The following SH3BP5 variants were observed in gnomAD, a reference collection of about 807,000 sequenced individuals.
SH3BP5 encodes SH3 domain binding protein 5, also known as SH3 domain-binding protein 5.
A neutral mutation model predicts 43.3 loss-of-function variants in SH3BP5; 22 were observed. The ratio of observed to expected loss-of-function variants is 0.51; its 90% CI spans 0.36 to 0.73. The LOEUF (loss-of-function observed/expected upper bound fraction) is 0.73. Among genes scored for constraint, SH3BP5 ranks in the 30% least tolerant of loss-of-function variants. SH3BP5 has a pLI of 0.00. For synonymous variants in SH3BP5, 255 were observed against 225.8 expected, an observed-to-expected ratio of 1.13 and a Z score of -1.16; for missense variants, 529 against 586.9, an observed-to-expected ratio of 0.90 and a Z score of 1.02.
chr3:15,335,098 A>G (rs1698685374), upstream of SH3BP5, among the ~76,000 whole-genome samples: 1 of 152,154 alleles, frequency 6.6e-6, no homozygotes, highest in Non-Finnish European at 1.5e-5. Context: ...ACAACAAAGC[A>G]AGACCTGGTC....
rs562101639 is a variant in SH3BP5 at position 15,316,501 on chromosome 3, G to A, written c.202-12270C>T. 1.0e-3 allele frequency among the ~76,000 whole-genome samples: 159 copies of A among 152,180 alleles called. 1 individual carries two copies. The highest frequency in any genetic ancestry group is 3.6e-3 in the African/African-American group (151 of 41,544). On this transcript the variant is annotated intron_variant, in intron 2 of 8. Transcript: ENST00000383791. The stretch of plus-strand genomic sequence containing the variant: ...GCCTCCCAAAGTGCTGGGATTACAG[G>A]TGTGAACCACATACCCAGCCAAGAC...
At chr3:15,310,511 T>A (rs1209193480) in intron 2 of SH3BP5, among the ~76,000 whole-genome samples, 2 of 152,080 alleles carry the variant, frequency 1.3e-5, no homozygotes, top group African/African-American at 4.8e-5. Context: ...AGAGTGGGGG[T>A]GGCTTCAGGA....
At chr3:15,262,314 C>A in intron 4 of SH3BP5, 25 bp from the exon 5 acceptor site, 1 of 1,596,934 alleles carries the variant, frequency 6.3e-7, no homozygotes, top group Non-Finnish European at 8.6e-7. Context: ...AGAGTTCAGC[C>A]CAGTCCAGCC....
intron 3 of SH3BP5, among the ~76,000 whole-genome samples, chr3:15,273,858 T>G (rs746472484): frequency 2.0e-5 from 3 of 152,166 alleles, no homozygotes; most frequent in Non-Finnish European, 2.9e-5. Flanking sequence ...CCCACCCAAA[T>G]TTACATATTG....
upstream of SH3BP5, chr3:15,333,019 T>G: frequency 1.2e-6 from 1 of 857,376 alleles, no homozygotes; most frequent in Non-Finnish European, 1.4e-6. Flanking sequence ...CGTGCACTGA[T>G]GCATTGCCGA....
In SH3BP5 at chr3:15,262,168, T is replaced by C. The variant is rs374197627; in HGVS notation, c.617A>G (p.Asn206Ser). The change falls in exon 5 of 9, where the codon AAC becomes AGC. Residue 206 changes from asparagine (N) to serine (S), a missense_variant. By Grantham distance (46) the Asn-to-Ser change is conservative. Coordinates refer to ENST00000383791, the MANE Select transcript of SH3BP5 (RefSeq NM_004844.5). ...CCCTGTCCAGACTTACTTGGACTTG[T>C]TGATGGCTCTCTTGAGTTTCTTCTC... ...QLEKKLKRAI[N>S]KSKPYFELKA... The C allele has an allele frequency of 2.0e-5, 32 of 1,614,028 alleles. No individual in the cohort carries two copies. In the African/African-American group the frequency reaches 4.1e-4, roughly 21 times the overall value.
In SH3BP5 at chr3:15,256,167, G is replaced by T; in HGVS notation, c.1287C>A (p.Asn429Lys). 6.2e-7 allele frequency: 1 copy of T among 1,614,192 alleles called. No homozygotes were observed. Among genetic ancestry groups the T allele is most frequent in the Non-Finnish European group, 8.5e-7 (1 of 1,180,018 alleles). The change falls in exon 9 of 9, where the codon AAC (asparagine) becomes AAA (lysine). Residue 429 changes from asparagine to lysine, a missense_variant. Around this residue, in one of 3 missense-constraint regions of SH3BP5, gnomAD observed 369 missense variants for 384.3 expected, o/e 0.96. Transcript: ENST00000383791. The part of the protein sequence containing the change: ...STSPEGQALE[N>K]RMKQLSLQCS... Reference sequence around the variant, plus strand: ...ACTGTAGGGAGAGCTGCTTCATCCGGTTCTCCAAGGCCTGGCCCTCAGGGG... The same window carrying T: ...ACTGTAGGGAGAGCTGCTTCATCCGTTTCTCCAAGGCCTGGCCCTCAGGGG...
chr3:15,274,771 C>A (rs1213465856), intron 3 of SH3BP5, among the ~76,000 whole-genome samples: 1 of 152,220 alleles, frequency 6.6e-6, no homozygotes, highest in Non-Finnish European at 1.5e-5. Context: ...GTCTCAAACT[C>A]CTGACCTCAG....
intron 2 of SH3BP5, among the ~76,000 whole-genome samples, chr3:15,325,424 C>A (rs559751395): frequency 6.6e-6 from 1 of 151,836 alleles, no homozygotes; most frequent in Non-Finnish European, 1.5e-5. Flanking sequence ...ATGCGCCCTC[C>A]AGCTGGAATG....
At chr3:15,286,174 T>C (rs958878119) in intron 3 of SH3BP5, among the ~76,000 whole-genome samples, 1 of 152,180 alleles carries the variant, frequency 6.6e-6, no homozygotes, top group Non-Finnish European at 1.5e-5. Context: ...GTGGCCCCTC[T>C]GGCTGCCGGA....
chr3:15,308,471 C>T (rs963417931), intron 2 of SH3BP5, among the ~76,000 whole-genome samples: 2 of 152,186 alleles, frequency 1.3e-5, no homozygotes, highest in Non-Finnish European at 2.9e-5. Flanking sequence ...ACTACTTACA[C>T]ACGTTGAGCA....
intron 5 of SH3BP5, 67 bp downstream of exon 5, chr3:15,262,092 C>G: frequency 6.3e-7 from 1 of 1,589,614 alleles, no homozygotes; most frequent in Non-Finnish European, 8.6e-7. Context: ...GTGTGACATA[C>G]AAAAGGCTGA....
At chr3:15,331,459 G>A (rs1698607433) in intron 1 of SH3BP5, among the ~76,000 whole-genome samples, 1 of 152,088 alleles carries the variant, frequency 6.6e-6, no homozygotes, top group South Asian at 2.1e-4. Context: ...GAAAAAAAAC[G>A]GGCCTTAGAA....
At chr3:15,336,667 C>T (rs1390373377), upstream of SH3BP5, among the ~76,000 whole-genome samples, 1 of 152,102 alleles carries the variant, frequency 6.6e-6, no homozygotes, top group African/African-American at 2.4e-5. Context: ...ATTATAATCG[C>T]CAGGTTGCGC....
chr3:15,264,453 CCTT>C (rs1299170582), intron 4 of SH3BP5: 4 of 152,068 alleles, frequency 2.6e-5, no homozygotes, highest in Non-Finnish European at 5.9e-5. Context: ...TTAGATCCCT[CCTT>C]ATTTAATGAG....
Position 15,296,681 on chromosome 3 carries a change from C to T in SH3BP5, c.330+7422G>A, listed in dbSNP as rs536898141. On this transcript the variant is annotated intron_variant, in intron 3 of 8. Coordinates refer to ENST00000383791, the MANE Select transcript of SH3BP5 (RefSeq NM_004844.5). Reference sequence around the variant, plus strand: ...ACATCAGCCTCTCATCCTCCACTTACGAAGTGTTTTTCCTTTTTTTTTTTT... The same window carrying T: ...ACATCAGCCTCTCATCCTCCACTTATGAAGTGTTTTTCCTTTTTTTTTTTT... 3.3e-4 allele frequency among the ~76,000 whole-genome samples: 47 copies of T among 142,200 alleles called. No individual in the cohort carries two copies. The South Asian group carries it at 9.9e-3, about 30-fold the overall frequency. 93.3% of individuals were successfully genotyped at this position (142,200 alleles called of 152,430 possible).
Position 15,254,428 on chromosome 3 carries a change from A to G in SH3BP5, c.*1658T>C, listed in dbSNP as rs556440475. On this transcript the variant is annotated 3_prime_UTR_variant, in exon 9 of 9. Coordinates refer to ENST00000383791, the MANE Select transcript of SH3BP5 (RefSeq NM_004844.5). ...ATTATAAAACATTTCCACAAAAGAA[A>G]GAATCCATCTGATTCTCAACTCTGA... 2.0e-5 allele frequency: 3 copies of G among 152,358 alleles called. No individual in the cohort carries two copies. Among genetic ancestry groups the G allele is most frequent in the Admixed American group, 2.0e-4 (3 of 15,300 alleles). The allele number at this position is 152,358 out of a possible 1,614,324, so 9.4% of individuals were successfully genotyped here. A position where few individuals can be genotyped will look rare whatever the true frequency, so the allele number is the denominator to read the frequency against.
intron 2 of SH3BP5, among the ~76,000 whole-genome samples, chr3:15,316,219 CTTTTTTT>C (rs577644493): frequency 2.8e-4 from 23 of 81,686 alleles, no homozygotes; most frequent in Admixed American, 2.0e-3. Context: ...AAAAGACTCG[CTTTTTTT>C]TTTTTTTTTT....
intron 3 of SH3BP5, among the ~76,000 whole-genome samples, chr3:15,272,736 T>A (rs1314949707): frequency 6.7e-6 from 1 of 149,598 alleles, no homozygotes; most frequent in East Asian, 2.2e-4. Flanking sequence ...CGATGATACC[T>A]CAGATCAAAT....
Sources: allele counts gnomAD v4.1 joint callset (sites outside exome capture counted in the v4.1 genomes callset), GRCh38; gene constraint gnomAD v4.1.1; regional missense constraint gnomAD v4.1.1; transcripts MANE v1.5; gene names NCBI Gene and HGNC (gene_info 2026-07-23, HGNC 2026-07-21).